Variants in HPCAL1 observed in about 807,000 individuals in gnomAD.
HPCAL1 encodes hippocalcin-like protein 1.
In HPCAL1, 8 loss-of-function variants were observed where a neutral mutation model predicts 17.1. The ratio of observed to expected loss-of-function variants is 0.47; its 90% CI spans 0.27 to 0.84. HPCAL1 has a LOEUF of 0.84. Among genes scored for constraint, HPCAL1 ranks in the 40% least tolerant of loss-of-function variants. The pLI, the probability that HPCAL1 is intolerant of heterozygous loss-of-function variation, is 0.13. For missense variants in HPCAL1, 165 were observed against 271.1 expected (o/e 0.61, Z 2.75); for synonymous variants, 112 against 111.4 (o/e 1.01, Z -0.03).
At chr2:10,391,549 A>G (rs765324896) in intron 1 of HPCAL1, among the ~76,000 whole-genome samples, 1 of 152,202 alleles carries the variant, frequency 6.6e-6, no homozygotes, top group Non-Finnish European at 1.5e-5. Context: ...AATTATCACC[A>G]TGGTCAATTT....
chr2:10,362,549 G>T lies in HPCAL1; in HGVS notation c.-110-34286G>T, dbSNP rs561354138. Among the ~76,000 whole-genome samples the T allele has an allele frequency of 1.3e-5, 2 of 152,200 alleles. No individual in the cohort carries two copies. Among genetic ancestry groups the T allele is most frequent in the African/African-American group, 4.8e-5 (2 of 41,442 alleles). Reference sequence around the variant, plus strand: ...TCAGGAAAGGAAAGGTGAGCTGGGCGATGGGGAAGGCCTCCACGGTGTTCT... The same window carrying T: ...TCAGGAAAGGAAAGGTGAGCTGGGCTATGGGGAAGGCCTCCACGGTGTTCT... On this transcript the variant is annotated intron_variant, in intron 1 of 4. Transcript: ENST00000307845. The surrounding 1 kb of genome is among the most constrained non-coding windows in gnomAD (Gnocchi z 5.0).
chr2:10,410,205 T>C lies in HPCAL1; in HGVS notation c.-24-9529T>C, dbSNP rs1259682956. ...TCGGGGATCTGACTGATGAAAGCAT[T>C]TTGGAGCAATGGGATGAGATGCCAA... is the stretch of plus-strand genomic sequence containing the variant. On this transcript the variant is annotated intron_variant, in intron 2 of 4. Coordinates refer to ENST00000307845, the MANE Select transcript of HPCAL1 (RefSeq NM_002149.4). 3.9e-5 allele frequency among the ~76,000 whole-genome samples: 6 copies of C among 152,056 alleles called. No homozygotes were observed. In the East Asian group the frequency reaches 1.2e-3, roughly 29 times the overall value.
intron 2 of HPCAL1, among the ~76,000 whole-genome samples, chr2:10,418,070 T>A (rs892784030): frequency 6.6e-5 from 10 of 151,502 alleles, no homozygotes; most frequent in South Asian, 2.1e-4. Context: ...ATAGATAGAT[T>A]GATTGATTGA....
chr2:10,396,361 G>A (rs1669025050), intron 1 of HPCAL1, among the ~76,000 whole-genome samples: 1 of 152,222 alleles, frequency 6.6e-6, no homozygotes, highest in Admixed American at 6.5e-5. Context: ...GGGCACAGTC[G>A]TGGGTGGCAG....
At chr2:10,378,960 T>A (rs532991652) in intron 1 of HPCAL1, among the ~76,000 whole-genome samples, 1 of 152,288 alleles carries the variant, frequency 6.6e-6, no homozygotes, top group Non-Finnish European at 1.5e-5. Flanking sequence ...TGTAATTGAG[T>A]CATGCTATGT....
At chr2:10,381,823 C>CG (rs796484573) in intron 1 of HPCAL1, among the ~76,000 whole-genome samples, 5 of 152,284 alleles carry the variant, frequency 3.3e-5, no homozygotes, top group African/African-American at 1.2e-4. Context: ...CTGGTGGGAA[C>CG]GCAAAACAGT....
intron 1 of HPCAL1, among the ~76,000 whole-genome samples, chr2:10,360,110 A>C (rs1472368099): frequency 1.3e-5 from 2 of 152,152 alleles, no homozygotes; most frequent in East Asian, 3.9e-4. Flanking sequence ...CCAAGGACCC[A>C]TGTCCTCATT....
intron 1 of HPCAL1, among the ~76,000 whole-genome samples, chr2:10,338,681 C>T (rs1362022540): frequency 6.6e-6 from 1 of 152,202 alleles, no homozygotes; most frequent in Non-Finnish European, 1.5e-5. Context: ...GTCAGCTTGG[C>T]AAGACCCCTT....
At chr2:10,379,198 T>C (rs980105721) in intron 1 of HPCAL1, among the ~76,000 whole-genome samples, 2 of 151,848 alleles carry the variant, frequency 1.3e-5, no homozygotes, top group African/African-American at 4.8e-5. Flanking sequence ...CCTGGGCCAG[T>C]GCGTGATTCC....
chr2:10,340,588 G>A (rs1572675748), intron 1 of HPCAL1, among the ~76,000 whole-genome samples: 1 of 152,212 alleles, frequency 6.6e-6, no homozygotes, highest in Non-Finnish European at 1.5e-5. Flanking sequence ...GCTCAGAGGG[G>A]ACTGAACTTT....
rs988540261 is a variant in HPCAL1, at chr2:10,304,468, C to T, written c.-111+1291C>T. On this transcript the variant is annotated intron_variant, in intron 1 of 4. Coordinates refer to ENST00000307845, the MANE Select transcript of HPCAL1 (RefSeq NM_002149.4). This position sits in a 1 kb window ranked among gnomAD's most constrained non-coding sequence, Gnocchi z 4.1. Reference sequence around the variant, plus strand: ...AGGGACGCCGAGTCCAGCTGCTGGCCTCGGCATTAGACAACCCCCAGCCCC... The same window carrying T: ...AGGGACGCCGAGTCCAGCTGCTGGCTTCGGCATTAGACAACCCCCAGCCCC... Among the ~76,000 whole-genome samples the T allele has an allele frequency of 6.6e-6, 1 of 151,862 alleles. No homozygotes were observed. Among genetic ancestry groups the T allele is most frequent in the Non-Finnish European group, 1.5e-5 (1 of 67,938 alleles).
chr2:10,416,476 A>G (rs1384305502), intron 2 of HPCAL1, among the ~76,000 whole-genome samples: 2 of 152,164 alleles, frequency 1.3e-5, no homozygotes, highest in Non-Finnish European at 2.9e-5. Context: ...GGGAGCCCAC[A>G]TCTCCAAGCC....
At chr2:10,328,756 T>A (rs1160799545) in intron 1 of HPCAL1, among the ~76,000 whole-genome samples, 1 of 152,114 alleles carries the variant, frequency 6.6e-6, no homozygotes, top group East Asian at 1.9e-4. Context: ...GTCTGTTTAT[T>A]TCTATATATT....
At chr2:10,397,480 C>A (rs1012150950) in intron 2 of HPCAL1, among the ~76,000 whole-genome samples, 1 of 151,070 alleles carries the variant, frequency 6.6e-6, no homozygotes, top group Non-Finnish European at 1.5e-5. Flanking sequence ...GGCTGCCGGG[C>A]CCAGGGTCTG....
intron 1 of HPCAL1, among the ~76,000 whole-genome samples, chr2:10,321,059 T>G (rs2065793163): frequency 6.6e-6 from 1 of 152,148 alleles, no homozygotes. Context: ...GAGATTTAAT[T>G]GTCTCACGGT....
At position 10,323,400 on chromosome 2, in the gene HPCAL1, G is replaced by C. The variant is rs1028419894; in HGVS notation, c.-111+20223G>C. Among the ~76,000 whole-genome samples, 1 of 152,244 alleles carries C rather than the reference G, an allele frequency of 6.6e-6. No individual in the cohort carries two copies. The highest frequency in any genetic ancestry group is 1.9e-4 in the East Asian group (1 of 5,202). On this transcript the variant is annotated intron_variant, in intron 1 of 4. Transcript: ENST00000307845. The surrounding 1 kb of genome is among the most constrained non-coding windows in gnomAD (Gnocchi z 4.6). ...AGTAGACAGAGTGCCCTGGCCAGCA[G>C]AGGCCAAACACATTCCCATTCAGCT...
At chr2:10,324,329 A>G (rs2125407108) in intron 1 of HPCAL1, 1 of 152,350 alleles carries the variant, frequency 6.6e-6, no homozygotes, top group East Asian at 1.9e-4. Context: ...GGTCAGGCTA[A>G]CAGTGATGTC....
chr2:10,369,565 C>T (rs559127178), intron 1 of HPCAL1, among the ~76,000 whole-genome samples: 96 of 152,320 alleles, frequency 6.3e-4, no homozygotes, highest in African/African-American at 2.2e-3. Flanking sequence ...TTTGTGAGCA[C>T]CTGTCCCAGG....
rs79661622 is a variant in HPCAL1 at position 10,419,185 on chromosome 2, T to TG, written c.-24-546dup. On this transcript the variant is annotated intron_variant, in intron 2 of 4. Transcript: ENST00000307845. This position sits in a 1 kb window ranked among gnomAD's most constrained non-coding sequence, Gnocchi z 5.0. ...GTGATCCTGCTACTGCACTGCAGCCTGGGCGACAAGAGCAAAACTCCATCT... is the reference window on the plus strand; with the variant it reads ...GTGATCCTGCTACTGCACTGCAGCCTGGGGCGACAAGAGCAAAACTCCATCT... Among the ~76,000 whole-genome samples the TG allele has an allele frequency of 0.12, 17,655 of 152,168 alleles. 2,292 individuals carry two copies. The highest frequency in any genetic ancestry group is 0.7 in the East Asian group (3,584 of 5,154).
Sources: gnomAD v4.1 joint callset for allele counts (sites outside exome capture counted in the v4.1 genomes callset) on GRCh38, gnomAD v4.1.1 for gene constraint, Gnocchi (gnomAD v3.1) non-coding constraint, MANE v1.5 for transcripts, NCBI Gene and HGNC (gene_info 2026-07-23, HGNC 2026-07-21) for gene names.